Variants in AGAP1 observed in about 807,000 individuals in gnomAD.
AGAP1 encodes the protein arf-GAP with GTPase, ANK repeat and PH domain-containing protein 1.
A neutral mutation model predicts 105.3 loss-of-function variants in AGAP1; 29 were observed. The observed-to-expected ratio is 0.28, with a 90% confidence interval of 0.21 to 0.38. The LOEUF (loss-of-function observed/expected upper bound fraction) is 0.38. Among genes scored for constraint, AGAP1 ranks in the 10% least tolerant of loss-of-function variants. The pLI, the probability that AGAP1 is intolerant of heterozygous loss-of-function variation, is 1.00. For synonymous variants in AGAP1, 509 were observed against 485.9 expected (o/e 1.05, Z -0.63); for missense variants, 998 against 1,165.1 (o/e 0.86, Z 2.09).
intron 1 of AGAP1, among the ~76,000 whole-genome samples, chr2:235,537,792 G>A (rs1559232633): frequency 6.6e-6 from 1 of 152,168 alleles, no homozygotes; most frequent in African/African-American, 2.4e-5. Context: ...AGGACTCACT[G>A]CTGGCAGTCA....
Position 235,701,045 on chromosome 2 carries a change from AT to A in AGAP1, c.164-8133del, listed in dbSNP as rs1950230815. On this transcript the variant is annotated intron_variant, in intron 1 of 17. Coordinates refer to ENST00000304032, the MANE Select transcript of AGAP1 (RefSeq NM_001037131.3). The surrounding 1 kb of genome is among the most constrained non-coding windows in gnomAD (Gnocchi z 4.1). ...ATTATATATGCTATAATATAGTTAT[AT>A]GTATATATTATATATGCTATAATAT... Among the ~76,000 whole-genome samples, 2 of 142,836 alleles carry A rather than the reference AT, an allele frequency of 1.4e-5. No individual in the cohort carries two copies. The highest frequency in any genetic ancestry group is 3.0e-5 in the Non-Finnish European group (2 of 65,802). The allele number at this position is 142,836 out of a possible 152,430, so 93.7% of individuals were successfully genotyped here. A position where few individuals can be genotyped will look rare whatever the true frequency, so the allele number is the denominator to read the frequency against.
chr2:235,572,836 A>G (rs1339282186), intron 1 of AGAP1, among the ~76,000 whole-genome samples: 1 of 152,196 alleles, frequency 6.6e-6, no homozygotes, highest in African/African-American at 2.4e-5. Context: ...GAGGCTACAC[A>G]TGTGAACAGG....
chr2:235,678,139 A>G (rs568544270), intron 1 of AGAP1, among the ~76,000 whole-genome samples: 1 of 152,144 alleles, frequency 6.6e-6, no homozygotes, highest in South Asian at 2.1e-4. Flanking sequence ...CAGCTCGTTG[A>G]CAGCTCCAAG....
chr2:235,638,208 TG>T (rs1415575238), intron 1 of AGAP1, among the ~76,000 whole-genome samples: 1 of 152,178 alleles, frequency 6.6e-6, no homozygotes, highest in East Asian at 1.9e-4. Context: ...CTGCGTGGCC[TG>T]GGTATACTCC....
At chr2:235,911,396 G>T (rs2051606546) in intron 11 of AGAP1, among the ~76,000 whole-genome samples, 1 of 152,154 alleles carries the variant, frequency 6.6e-6, no homozygotes, top group Non-Finnish European at 1.5e-5. Flanking sequence ...TCAAGGGATG[G>T]GGGCTACCTG....
chr2:235,697,367 C>T lies in AGAP1; in HGVS notation c.164-11812C>T, dbSNP rs143105947. 8.7e-4 allele frequency among the ~76,000 whole-genome samples: 133 copies of T among 152,284 alleles called. 1 individual carries two copies. The highest frequency in any genetic ancestry group is 3.0e-3 in the African/African-American group (123 of 41,552). On this transcript the variant is annotated intron_variant, in intron 1 of 17. Transcript: ENST00000304032. ...AGCTGTGTTGGGTGTACATGTTGTT[C>T]GTCTTCATGTGAGGTTGTTAGAAGT... is the stretch of plus-strand genomic sequence containing the variant.
rs1341601282 is a variant in AGAP1, at chr2:235,734,448, C to G, written c.311-6515C>G. On this transcript the variant is annotated intron_variant, in intron 3 of 17. Coordinates refer to ENST00000304032, the MANE Select transcript of AGAP1 (RefSeq NM_001037131.3). This position sits in a 1 kb window ranked among gnomAD's most constrained non-coding sequence, Gnocchi z 5.3. ...CACTGCCATGAGGTCCCTCCCCTCT[C>G]TGATGGCAAAGGGAAACAGTGGGCT... Among the ~76,000 whole-genome samples, 1 of 150,988 alleles carries G rather than the reference C, an allele frequency of 6.6e-6. No homozygotes were observed. Among genetic ancestry groups the G allele is most frequent in the African/African-American group, 2.4e-5 (1 of 40,964 alleles).
Position 235,777,126 on chromosome 2 carries a change from A to G in AGAP1, c.674-20633A>G, listed in dbSNP as rs1238832745. The G allele has an allele frequency of 8.7e-6, 4 of 461,046 alleles. No homozygotes were observed. Among genetic ancestry groups the G allele is most frequent in the Non-Finnish European group, 1.8e-5 (4 of 222,190 alleles). The allele number at this position is 461,046 out of a possible 1,614,324, so 28.6% of individuals were successfully genotyped here. A position where few individuals can be genotyped will look rare whatever the true frequency, so the allele number is the denominator to read the frequency against. ...GTAATTCCAGCACTTTGAGAGGCCAAGGCGGGTGGATCACGAGGTCAGGAG... is the reference window on the plus strand; with the variant it reads ...GTAATTCCAGCACTTTGAGAGGCCAGGGCGGGTGGATCACGAGGTCAGGAG... On this transcript the variant is annotated intron_variant, in intron 6 of 17. Transcript: ENST00000304032. This position sits in a 1 kb window ranked among gnomAD's most constrained non-coding sequence, Gnocchi z 5.1.
rs941325105 is a variant in AGAP1, at chr2:235,787,305, T to A, written c.674-10454T>A. Among the ~76,000 whole-genome samples, 2 of 152,258 alleles carry A rather than the reference T, an allele frequency of 1.3e-5. No individual in the cohort carries two copies. Among genetic ancestry groups the A allele is most frequent in the Non-Finnish European group, 2.9e-5 (2 of 68,048 alleles). ...GTTCCACAGGCGTAACACTTTCTAA[T>A]GTTTCATTCATCTATCTGAGTTTTT... On this transcript the variant is annotated intron_variant, in intron 6 of 17. Transcript: ENST00000304032. This position sits in a 1 kb window ranked among gnomAD's most constrained non-coding sequence, Gnocchi z 4.4.
At chr2:235,531,105 G>A (rs1035806410) in intron 1 of AGAP1, among the ~76,000 whole-genome samples, 11 of 152,200 alleles carry the variant, frequency 7.2e-5, no homozygotes, top group African/African-American at 1.2e-4. Flanking sequence ...GCTAATGCAC[G>A]TGTCCGCAAA....
intron 16 of AGAP1, among the ~76,000 whole-genome samples, chr2:236,117,531 T>C (rs923373507): frequency 1.3e-5 from 2 of 152,212 alleles, no homozygotes; most frequent in African/African-American, 4.8e-5. Flanking sequence ...ATTGAATACT[T>C]GCAGTTAGCA....
At chr2:235,998,882 G>A (rs1413183744) in intron 13 of AGAP1, among the ~76,000 whole-genome samples, 1 of 151,906 alleles carries the variant, frequency 6.6e-6, no homozygotes, top group Non-Finnish European at 1.5e-5. Context: ...TGGTGGTGGT[G>A]GTGGTGGTGG....
intron 12 of AGAP1, among the ~76,000 whole-genome samples, chr2:235,946,286 T>C (rs1025428595): frequency 5.0e-4 from 12 of 24,124 alleles, no homozygotes; most frequent in South Asian, 3.2e-3. Context: ...TTTTTTTCCT[T>C]TTTTTTTTTT....
At chr2:235,763,985 TGTGTGTGGCTGTGATCC>T (rs1291569079) in intron 6 of AGAP1, among the ~76,000 whole-genome samples, 3 of 101,808 alleles carry the variant, frequency 2.9e-5, no homozygotes, top group Non-Finnish European at 5.9e-5. Flanking sequence ...TCTGAAGATC[TGTGTGTGGCTGTGATCC>T]GTGCGTGGCT....
chr2:235,586,012 A>G lies in AGAP1; in HGVS notation c.163+91163A>G, dbSNP rs372215225. ...CTGCCACTGAGAAGTGTATTTAGGC[A>G]GGTTCTGGCAACAGACTTGGTGTTG... On this transcript the variant is annotated intron_variant, in intron 1 of 17. Transcript: ENST00000304032. This position sits in a 1 kb window ranked among gnomAD's most constrained non-coding sequence, Gnocchi z 4.2. Among the ~76,000 whole-genome samples the G allele has an allele frequency of 2.0e-5, 3 of 152,294 alleles. No individual in the cohort carries two copies. Among genetic ancestry groups the G allele is most frequent in the African/African-American group, 7.2e-5 (3 of 41,572 alleles).
In AGAP1 at chr2:235,705,878, TAATG is replaced by T. The variant is rs927091981; in HGVS notation, c.164-3297_164-3294del. 2.0e-5 allele frequency among the ~76,000 whole-genome samples: 3 copies of T among 152,248 alleles called. No individual in the cohort carries two copies. Among genetic ancestry groups the T allele is most frequent in the Non-Finnish European group, 2.9e-5 (2 of 68,046 alleles). ...GTTTAATGGAGCACTGCTTAATTTA[TAATG>T]AATATTTTATATTGTTAGAAAGTTA... On this transcript the variant is annotated intron_variant, in intron 1 of 17. Transcript: ENST00000304032. This position sits in a 1 kb window ranked among gnomAD's most constrained non-coding sequence, Gnocchi z 4.9.
At position 235,875,236 on chromosome 2, in the gene AGAP1, T is replaced by G. The variant is rs1243547806; in HGVS notation, c.1051-8109T>G. On this transcript the variant is annotated intron_variant, in intron 9 of 17. Coordinates refer to ENST00000304032, the MANE Select transcript of AGAP1 (RefSeq NM_001037131.3). The surrounding 1 kb of genome is among the most constrained non-coding windows in gnomAD (Gnocchi z 4.0). ...GCCAACCAGAGAGCAACTCCCGTTG[T>G]TTGTTTTCACCTTTTAGAATTCCTG... 1.3e-5 allele frequency among the ~76,000 whole-genome samples: 2 copies of G among 152,214 alleles called. No individual in the cohort carries two copies. Among genetic ancestry groups the G allele is most frequent in the Non-Finnish European group, 2.9e-5 (2 of 68,030 alleles).
rs192937426 is a variant in AGAP1, at chr2:235,601,277, G to A, written c.163+106428G>A. ...TACTGTGTCCTCTCTGTGCTTGGGG[G>A]TGGGGAGAGAGGCGAGAAGGGAAGG... is the stretch of plus-strand genomic sequence containing the variant. On this transcript the variant is annotated intron_variant, in intron 1 of 17. Transcript: ENST00000304032. The surrounding 1 kb of genome is among the most constrained non-coding windows in gnomAD (Gnocchi z 4.4). Among the ~76,000 whole-genome samples, 1 of 152,208 alleles carries A rather than the reference G, an allele frequency of 6.6e-6. No individual in the cohort carries two copies. The highest frequency in any genetic ancestry group is 1.5e-5 in the Non-Finnish European group (1 of 68,036).
Position 235,875,095 on chromosome 2 carries a change from C to A in AGAP1, c.1051-8250C>A, listed in dbSNP as rs1318232471. Among the ~76,000 whole-genome samples, 1 of 152,092 alleles carries A rather than the reference C, an allele frequency of 6.6e-6. No homozygotes were observed. Among genetic ancestry groups the A allele is most frequent in the East Asian group, 1.9e-4 (1 of 5,174 alleles). On this transcript the variant is annotated intron_variant, in intron 9 of 17. Coordinates refer to ENST00000304032, the MANE Select transcript of AGAP1 (RefSeq NM_001037131.3). The surrounding 1 kb of genome is among the most constrained non-coding windows in gnomAD (Gnocchi z 4.0). ...CCTGGGGTCCTGGGATGGAGAGAGC[C>A]CTGTCACCCCCTCTCCCCCATCTGC...
Sources: allele counts gnomAD v4.1 joint callset (sites outside exome capture counted in the v4.1 genomes callset), GRCh38; gene constraint gnomAD v4.1.1; non-coding constraint Gnocchi (gnomAD v3.1); transcripts MANE v1.5; gene names NCBI Gene and HGNC (gene_info 2026-07-23, HGNC 2026-07-21).